Variants in SMOC2 observed in about 807,000 individuals in gnomAD.
The protein encoded by SMOC2 is SPARC related modular calcium binding 2.
A neutral mutation model predicts 61.4 loss-of-function variants in SMOC2; 39 were observed. That is an observed-to-expected ratio of 0.64 (90% CI 0.49 to 0.83). The LOEUF (loss-of-function observed/expected upper bound fraction) is 0.83. SMOC2 is among the 40% of genes least tolerant of loss of function. The probability of loss-of-function intolerance (pLI) is 0.00; values close to 1 mark genes in which losing one functional copy is unlikely to be tolerated. For synonymous variants in SMOC2, 247 were observed against 239.9 expected, an observed-to-expected ratio of 1.03 and a Z score of -0.27; for missense variants, 556 against 592.9, an observed-to-expected ratio of 0.94 and a Z score of 0.65.
intron 1 of SMOC2, among the ~76,000 whole-genome samples, chr6:168,470,872 C>T (rs953160717): frequency 1.3e-5 from 2 of 152,028 alleles, no homozygotes; most frequent in Non-Finnish European, 2.9e-5. Flanking sequence ...GATGCCAAAA[C>T]ATTGATAATT....
chr6:168,599,628 A>G (rs1439624137), intron 8 of SMOC2, among the ~76,000 whole-genome samples: 1 of 21,624 alleles, frequency 4.6e-5, no homozygotes, highest in African/African-American at 1.8e-4. Flanking sequence ...CTCATACCAC[A>G]CACACCCACA....
intron 9 of SMOC2, 34 bp downstream of exon 9, chr6:168,608,273 C>G: frequency 6.3e-7 from 1 of 1,592,086 alleles, no homozygotes; most frequent in Non-Finnish European, 8.6e-7. Flanking sequence ...CCCGAATCCA[C>G]AGGCCCCACC....
chr6:168,465,196 CTCTT>C (rs1391951126), intron 1 of SMOC2, among the ~76,000 whole-genome samples: 1 of 152,234 alleles, frequency 6.6e-6, no homozygotes, highest in Non-Finnish European at 1.5e-5. Flanking sequence ...CAAAATGAAT[CTCTT>C]TGTTTTTGTT....
At chr6:168,562,366 G>A (rs371557321) in intron 7 of SMOC2, among the ~76,000 whole-genome samples, 21 of 119,236 alleles carry the variant, frequency 1.8e-4, no homozygotes, top group African/African-American at 7.2e-4. Context: ...TCATTTTCCT[G>A]CCCTGAGACA....
chr6:168,482,381 C>CG (rs1312616323), intron 1 of SMOC2, among the ~76,000 whole-genome samples: 1 of 100,808 alleles, frequency 9.9e-6, no homozygotes, highest in Non-Finnish European at 1.9e-5. Flanking sequence ...ATGAAAAACT[C>CG]TAAGTAAATT....
intron 9 of SMOC2, among the ~76,000 whole-genome samples, chr6:168,631,921 CATG>C (rs1651839384): frequency 2.6e-5 from 4 of 152,130 alleles, no homozygotes; most frequent in Admixed American, 2.6e-4. Flanking sequence ...AGACCAGGCT[CATG>C]ATGATGATGA....
At position 168,667,540 on chromosome 6, in the gene SMOC2, G is replaced by A. The variant is rs1787693010; in HGVS notation, c.*1102G>A. On this transcript the variant is annotated 3_prime_UTR_variant, in exon 13 of 13. Coordinates refer to ENST00000356284, the MANE Select transcript of SMOC2 (RefSeq NM_001166412.2). ...CGAGTGGCACTGGCAGAGAAGGATA[G>A]GAGTGGAATGCCCACACAGTGACCA... 1 of 152,240 alleles carries A rather than the reference G, an allele frequency of 6.6e-6. No homozygotes were observed. The highest frequency in any genetic ancestry group is 6.5e-5 in the Admixed American group (1 of 15,280). 9.4% of individuals were successfully genotyped at this position (152,240 alleles called of 1,614,324 possible).
At chr6:168,442,788 T>TA (rs774633457) in intron 1 of SMOC2, among the ~76,000 whole-genome samples, 5 of 152,340 alleles carry the variant, frequency 3.3e-5, no homozygotes, top group Non-Finnish European at 4.4e-5. Flanking sequence ...TCATTGCTCA[T>TA]ACCTCAAATT....
At chr6:168,446,364 AAAAC>A (rs1397969502) in intron 1 of SMOC2, among the ~76,000 whole-genome samples, 1 of 152,234 alleles carries the variant, frequency 6.6e-6, no homozygotes, top group African/African-American at 2.4e-5. Context: ...CTCTGTCTCA[AAAAC>A]AAACAAAAAC....
intron 1 of SMOC2, among the ~76,000 whole-genome samples, chr6:168,448,803 A>G (rs1272972158): frequency 6.6e-6 from 1 of 152,190 alleles, no homozygotes; most frequent in African/African-American, 2.4e-5. Flanking sequence ...AAGGATGGAA[A>G]CGTGTTGTTG....
chr6:168,513,954 G>A (rs1412873322), intron 2 of SMOC2, among the ~76,000 whole-genome samples: 1 of 152,194 alleles, frequency 6.6e-6, no homozygotes, highest in African/African-American at 2.4e-5. Flanking sequence ...ACTCTCCTAT[G>A]AGGTGGATGG....
chr6:168,649,888 C>T (rs143886848), intron 9 of SMOC2, among the ~76,000 whole-genome samples: 4 of 152,236 alleles, frequency 2.6e-5, no homozygotes, highest in Admixed American at 6.5e-5. Context: ...GCAGTAGCAC[C>T]GGGAACGGTC....
chr6:168,500,338 G>A lies in SMOC2; in HGVS notation c.85-9577G>A, dbSNP rs9456146. On this transcript the variant is annotated intron_variant, in intron 1 of 12. Transcript: ENST00000356284. Reference sequence around the variant, plus strand: ...AAAAAAGAAAAAAGAGATGACATCCGAAGAGGGTTGAGCAAGAGAAGGGGA... The same window carrying A: ...AAAAAAGAAAAAAGAGATGACATCCAAAGAGGGTTGAGCAAGAGAAGGGGA... 3.0e-3 allele frequency among the ~76,000 whole-genome samples: 458 copies of A among 151,516 alleles called. 4 individuals are homozygous for A. The highest frequency in any genetic ancestry group is 0.01 in the African/African-American group (426 of 41,298).
intron 1 of SMOC2, among the ~76,000 whole-genome samples, chr6:168,462,129 T>C (rs1439058718): frequency 2.6e-5 from 4 of 152,124 alleles, no homozygotes; most frequent in Non-Finnish European, 5.9e-5. Flanking sequence ...ATCCTGCCCA[T>C]CCTCTGATTT....
intron 1 of SMOC2, among the ~76,000 whole-genome samples, chr6:168,468,267 G>A (rs745818136): frequency 1.1e-4 from 17 of 152,226 alleles, no homozygotes; most frequent in Non-Finnish European, 2.5e-4. Context: ...ATCGCAGCAG[G>A]TGAGGAATGT....
intron 1 of SMOC2, among the ~76,000 whole-genome samples, chr6:168,476,387 A>G (rs1782085626): frequency 6.6e-6 from 1 of 151,788 alleles, no homozygotes; most frequent in African/African-American, 2.4e-5. Context: ...ACTTTTTGCT[A>G]TTGTTTTCCT....
At position 168,546,935 on chromosome 6, in the gene SMOC2, A is replaced by G. The variant is rs1213150320; in HGVS notation, c.512-184A>G. The G allele has an allele frequency of 6.9e-6, 5 of 727,840 alleles. No individual in the cohort carries two copies. The East Asian group carries it at 1.2e-4, about 18-fold the overall frequency. The allele number at this position is 727,840 out of a possible 1,614,324, so 45.1% of individuals were successfully genotyped here. A position where few individuals can be genotyped will look rare whatever the true frequency, so the allele number is the denominator to read the frequency against. On this transcript the variant is annotated intron_variant, in intron 5 of 12. Coordinates refer to ENST00000356284, the MANE Select transcript of SMOC2 (RefSeq NM_001166412.2). ...GAGCATTTTAAGTAGCGGCTCACTC[A>G]AGACTGGTATAGTCATTCCAGCCGC...
rs570058127 is a variant in SMOC2, at chr6:168,553,971, C to T, written c.637+4768C>T. Among the ~76,000 whole-genome samples, 25 of 150,470 alleles carry T rather than the reference C, an allele frequency of 1.7e-4. No homozygotes were observed. The highest frequency in any genetic ancestry group is 1.5e-3 in the South Asian group (7 of 4,772). On this transcript the variant is annotated intron_variant, in intron 7 of 12. Transcript: ENST00000356284. This position sits in a 1 kb window ranked among gnomAD's most constrained non-coding sequence, Gnocchi z 4.2. Reference sequence around the variant, plus strand: ...CCCCACCAGGTATCAGCGTTTTTCACGTTTTGGTAGGAAGATTATTCCATG... The same window carrying T: ...CCCCACCAGGTATCAGCGTTTTTCATGTTTTGGTAGGAAGATTATTCCATG...
intron 9 of SMOC2, among the ~76,000 whole-genome samples, chr6:168,649,766 A>C (rs576915829): frequency 6.6e-6 from 1 of 152,274 alleles, no homozygotes; most frequent in African/African-American, 2.4e-5. Flanking sequence ...TGGGCAGCTG[A>C]GCTGCTTCTC....
Sources: allele counts gnomAD v4.1 joint callset (sites outside exome capture counted in the v4.1 genomes callset), GRCh38; gene constraint gnomAD v4.1.1; non-coding constraint Gnocchi (gnomAD v3.1); transcripts MANE v1.5; gene names NCBI Gene and HGNC (gene_info 2026-07-23, HGNC 2026-07-21).